Variants in SEPTIN14 observed in about 807,000 individuals in gnomAD.
SEPTIN14 encodes septin 14, also known as septin-14.
Under a neutral mutation model 53.6 loss-of-function variants are expected in SEPTIN14, and 40 were observed. The observed-to-expected ratio is 0.75, with a 90% CI of 0.58 to 0.97. The LOEUF is 0.97. Ranked by LOEUF, SEPTIN14 falls within the 50% of genes least tolerant of loss-of-function variation. SEPTIN14 has a pLI of 0.00. For synonymous variants in SEPTIN14, 138 were observed against 166.8 expected (o/e 0.83, Z 1.33); for missense variants, 471 against 508.2 (o/e 0.93, Z 0.70).
intron 1 of SEPTIN14, 47 bp from the exon 2 acceptor site, chr7:55,862,058 C>T: frequency 8.6e-7 from 1 of 1,165,850 alleles, no homozygotes. Flanking sequence ...CTTACAAAGG[C>T]TATATTCTTA....
At chr7:55,861,782 T>C (rs1229455611) in intron 2 of SEPTIN14, among the ~76,000 whole-genome samples, 161 bp downstream of exon 2, 1 of 152,174 alleles carries the variant, frequency 6.6e-6, no homozygotes, top group African/African-American at 2.4e-5. Context: ...TCACCATTGA[T>C]ACTTAAAACT....
chr7:55,861,778 T>G (rs1049118426), intron 2 of SEPTIN14, among the ~76,000 whole-genome samples, 165 bp downstream of exon 2: 1 of 152,170 alleles, frequency 6.6e-6, no homozygotes, highest in African/African-American at 2.4e-5. Flanking sequence ...TAAATCACCA[T>G]TGATACTTAA....
chr7:55,851,969 C>T (rs1379696489), intron 2 of SEPTIN14, among the ~76,000 whole-genome samples: 2 of 151,750 alleles, frequency 1.3e-5, no homozygotes, highest in Non-Finnish European at 2.9e-5. Context: ...AGTGAAACCC[C>T]GTCTCTACTA....
chr7:55,811,239 ATCTGGATGTTGTAGAGTTTATCC>A, intron 7 of SEPTIN14: 1 of 526,620 alleles, frequency 1.9e-6, no homozygotes, highest in Non-Finnish European at 3.8e-6. Context: ...GAGCCGCAGG[ATCTGGATGTTGTAGAGTTTATCC>A]ACCTCCTTGA....
intron 8 of SEPTIN14, among the ~76,000 whole-genome samples, chr7:55,805,613 A>G (rs1446323848): frequency 6.6e-6 from 1 of 152,224 alleles, no homozygotes; most frequent in African/African-American, 2.4e-5. Context: ...ATATAAGGAA[A>G]TTTACCAACA....
chr7:55,830,495 C>A (rs1040788842), intron 6 of SEPTIN14, among the ~76,000 whole-genome samples: 3 of 150,824 alleles, frequency 2.0e-5, no homozygotes, highest in African/African-American at 7.3e-5. Flanking sequence ...AGGCGCCTGC[C>A]ACCACACCTG....
At position 55,846,640 on chromosome 7, in the gene SEPTIN14, TA is replaced by T; in HGVS notation, c.55-4del. ...CAACGAATATTATTTTCTTTTTGCT[TA>T]AATAAAACAAAAATTTAGAGTTTTG... On this transcript the variant is annotated splice_region_variant and splice_polypyrimidine_tract_variant and intron_variant, in intron 2 of 9. Coordinates refer to ENST00000388975, the MANE Select transcript of SEPTIN14 (RefSeq NM_207366.3). 1 of 1,425,560 alleles carries T rather than the reference TA, an allele frequency of 7.0e-7. No individual in the cohort carries two copies. Among genetic ancestry groups the T allele is most frequent in the Non-Finnish European group, 9.7e-7 (1 of 1,027,116 alleles). The allele number at this position is 1,425,560 out of a possible 1,614,324, so 88.3% of individuals were successfully genotyped here. A position where few individuals can be genotyped will look rare whatever the true frequency, so the allele number is the denominator to read the frequency against.
intron 2 of SEPTIN14, among the ~76,000 whole-genome samples, chr7:55,856,816 T>C (rs958266699): frequency 2.0e-5 from 3 of 152,080 alleles, no homozygotes; most frequent in Admixed American, 2.0e-4. Context: ...CTCACACCCA[T>C]AATCCCAACA....
chr7:55,851,302 T>A (rs1240400358), intron 2 of SEPTIN14, among the ~76,000 whole-genome samples: 1 of 152,148 alleles, frequency 6.6e-6, no homozygotes, highest in African/African-American at 2.4e-5. Context: ...TTAGCCCCTA[T>A]TCAGTCAATT....
intron 6 of SEPTIN14, among the ~76,000 whole-genome samples, chr7:55,830,349 A>ATATATATATATATATATATATT (rs71015108): frequency 1.8e-5 from 1 of 56,848 alleles, no homozygotes; most frequent in African/African-American, 1.0e-4. Context: ...ATATATATAT[A>ATATATATATATATATATATATT]TTTTTTTTTT....
In SEPTIN14 at chr7:55,842,942, C is replaced by A. The variant is rs1470225004; in HGVS notation, c.558G>T (p.Lys186Asn). ...DLLTMKNLDS[K>N]VNIIPLIAKA... ...AAGATGGTAGATTTACCAAACATACCTTACTGTCAAGGTTCTTCATTGTTA... is the reference window on the plus strand; with the variant it reads ...AAGATGGTAGATTTACCAAACATACATTACTGTCAAGGTTCTTCATTGTTA... Residue 186 changes from lysine (K) to asparagine (N), a missense_variant and splice_region_variant, in exon 5 of 10, where the codon AAG becomes AAT. Coordinates refer to ENST00000388975, the MANE Select transcript of SEPTIN14 (RefSeq NM_207366.3). 2 of 1,496,266 alleles carry A rather than the reference C, an allele frequency of 1.3e-6. No homozygotes were observed. Among genetic ancestry groups the A allele is most frequent in the Admixed American group, 2.7e-5 (1 of 36,868 alleles). 92.7% of individuals were successfully genotyped at this position (1,496,266 alleles called of 1,614,324 possible).
chr7:55,822,484 A>C (rs565522949), intron 6 of SEPTIN14, among the ~76,000 whole-genome samples: 60 of 152,000 alleles, frequency 3.9e-4, no homozygotes, highest in African/African-American at 1.4e-3. Flanking sequence ...AAGACATACT[A>C]TTCAACCTCA....
chr7:55,860,077 G>A (rs771740715), intron 2 of SEPTIN14, among the ~76,000 whole-genome samples: 1 of 150,896 alleles, frequency 6.6e-6, no homozygotes, highest in Non-Finnish European at 1.5e-5. Flanking sequence ...TACTTGGGAG[G>A]CTGCGGCAGG....
In SEPTIN14 at chr7:55,798,873, CG is replaced by C. The variant is rs545718594; in HGVS notation, c.1120-2782del. 5.1e-3 allele frequency: 790 copies of C among 155,400 alleles called. 3 individuals are homozygous for C. The highest frequency in any genetic ancestry group is 8.0e-3 in the Non-Finnish European group (562 of 70,044). 9.6% of individuals were successfully genotyped at this position (155,400 alleles called of 1,614,324 possible). A position where few individuals can be genotyped will look rare whatever the true frequency, so the allele number is the denominator to read the frequency against. ...ATCCCAGCACTTTGGGAGGCTGGGG[CG>C]GGCGGATCACCTGAGGTCAGAAGTT... is the stretch of plus-strand genomic sequence containing the variant. On this transcript the variant is annotated intron_variant, in intron 9 of 9. Transcript: ENST00000388975.
chr7:55,832,202 AACACACACACACACAC>A (rs112349116), intron 6 of SEPTIN14, among the ~76,000 whole-genome samples: 10 of 145,006 alleles, frequency 6.9e-5, no homozygotes, highest in East Asian at 2.1e-4. Context: ...CTCTGTCTCA[AACACACACACACACAC>A]ACACACACAC....
chr7:55,827,066 C>G (rs1290507298), intron 6 of SEPTIN14, among the ~76,000 whole-genome samples: 25 of 152,198 alleles, frequency 1.6e-4, no homozygotes, highest in Non-Finnish European at 4.4e-5. Context: ...TGCTTCTGAT[C>G]CAGTCCCTCC....
In SEPTIN14 at chr7:55,862,748, T is replaced by A. The variant is rs1321362422; in HGVS notation, c.-76A>T. 1 of 152,186 alleles carries A rather than the reference T, an allele frequency of 6.6e-6. No individual in the cohort carries two copies. Among genetic ancestry groups the A allele is most frequent in the Non-Finnish European group, 1.5e-5 (1 of 68,048 alleles). The allele number at this position is 152,186 out of a possible 1,614,324, so 9.4% of individuals were successfully genotyped here. ...CCGAACTGATTCCAAGCTGGTGTCC[T>A]TTCTACTGTCCCCAGTTGTGGACCA... is the stretch of plus-strand genomic sequence containing the variant. On this transcript the variant is annotated 5_prime_UTR_variant, in exon 1 of 10. The change creates a new upstream start codon in the 5' untranslated region. Transcript: ENST00000388975.
At chr7:55,796,426 C>T (rs974358321) in intron 9 of SEPTIN14, among the ~76,000 whole-genome samples, 2 of 152,030 alleles carry the variant, frequency 1.3e-5, no homozygotes, top group African/African-American at 4.8e-5. Flanking sequence ...CCATGCCCAG[C>T]TAATTTTTGT....
At chr7:55,796,536 T>A (rs1262396913) in intron 9 of SEPTIN14, among the ~76,000 whole-genome samples, 3 of 151,966 alleles carry the variant, frequency 2.0e-5, no homozygotes, top group Middle Eastern at 3.4e-3. Context: ...GACTTTTTTT[T>A]AATATAGAAG....
Sources: allele counts gnomAD v4.1 joint callset (sites outside exome capture counted in the v4.1 genomes callset), GRCh38; gene constraint gnomAD v4.1.1; transcripts MANE v1.5; gene names NCBI Gene and HGNC (gene_info 2026-07-23, HGNC 2026-07-21).